TMBIM6: variants seen among roughly 807,000 people sequenced by gnomAD.
TMBIM6 encodes the protein transmembrane BAX inhibitor motif containing 6, also known as bax inhibitor 1.
In TMBIM6, 13 loss-of-function variants were observed where a neutral mutation model predicts 31.4. That is an observed-to-expected ratio of 0.41 (90% CI 0.27 to 0.66). The LOEUF (loss-of-function observed/expected upper bound fraction) is 0.66. Among genes scored for constraint, TMBIM6 ranks in the 30% least tolerant of loss-of-function variants. The pLI is 0.28. For missense variants in TMBIM6, 275 were observed against 289.5 expected, an observed-to-expected ratio of 0.95 and a Z score of 0.36; for synonymous variants, 85 against 101.7, an observed-to-expected ratio of 0.84 and a Z score of 0.99.
intron 1 of TMBIM6, among the ~76,000 whole-genome samples, chr12:49,745,028 G>A (rs1422619727): frequency 6.6e-6 from 1 of 152,170 alleles, no homozygotes; most frequent in African/African-American, 2.4e-5. Flanking sequence ...TGGAGGAGAT[G>A]GATTCAGTAT....
At position 49,758,141 on chromosome 12, in the gene TMBIM6, T is replaced by A. The variant is rs576054764; in HGVS notation, c.287-86T>A. On this transcript the variant is annotated intron_variant, in intron 4 of 9. Transcript: ENST00000267115. The stretch of plus-strand genomic sequence containing the variant: ...TCCACGTTTGTTAAGAGCATGAGTA[T>A]GCCTATATTTCGGGATCAGCTTTTG... 4.2e-6 allele frequency: 6 copies of A among 1,418,724 alleles called. No homozygotes were observed. The East Asian group carries it at 1.4e-4, about 32-fold the overall frequency. 87.9% of individuals were successfully genotyped at this position (1,418,724 alleles called of 1,614,324 possible).
chr12:49,742,685 AGAATT>A (rs1019618524), intron 1 of TMBIM6: 2 of 157,972 alleles, frequency 1.3e-5, no homozygotes, highest in Admixed American at 1.2e-4. Context: ...GTGTGGTTTA[AGAATT>A]GAATTCTGGA....
chr12:49,742,508 A>G (rs1193147291), intron 1 of TMBIM6: 2 of 456,568 alleles, frequency 4.4e-6, no homozygotes, highest in Non-Finnish European at 7.6e-6. Flanking sequence ...CACAACAAAA[A>G]TCACTATGAA....
chr12:49,751,371 A>G (rs1241850347), intron 1 of TMBIM6, among the ~76,000 whole-genome samples: 2 of 152,176 alleles, frequency 1.3e-5, no homozygotes, highest in African/African-American at 2.4e-5. Context: ...AAATATTTTT[A>G]CATCTGTCTA....
chr12:49,745,506 C>T (rs1387235689), intron 1 of TMBIM6, among the ~76,000 whole-genome samples: 3 of 152,168 alleles, frequency 2.0e-5, no homozygotes, highest in Admixed American at 1.3e-4. Context: ...GGGCAGATCA[C>T]TTGAGGTCAG....
intron 1 of TMBIM6, among the ~76,000 whole-genome samples, chr12:49,744,861 A>G (rs1481260420): frequency 2.0e-5 from 3 of 152,190 alleles, no homozygotes; most frequent in African/African-American, 7.2e-5. Flanking sequence ...GAAGAAGATT[A>G]TGTATTTAGG....
At chr12:49,747,974 G>A (rs1945427127) in intron 1 of TMBIM6, among the ~76,000 whole-genome samples, 1 of 152,156 alleles carries the variant, frequency 6.6e-6, no homozygotes, top group Non-Finnish European at 1.5e-5. Context: ...CGTGATCTCA[G>A]TTCACTGCAA....
At position 49,742,534 on chromosome 12, in the gene TMBIM6, T is replaced by C. The variant is rs1343736699; in HGVS notation, c.-31+923T>C. 10 of 372,116 alleles carry C rather than the reference T, an allele frequency of 2.7e-5. No individual in the cohort carries two copies. In the Admixed American group the frequency reaches 3.4e-4, roughly 13 times the overall value. 23.1% of individuals were successfully genotyped at this position (372,116 alleles called of 1,614,324 possible). A position where few individuals can be genotyped will look rare whatever the true frequency, so the allele number is the denominator to read the frequency against. On this transcript the variant is annotated intron_variant, in intron 1 of 9. Coordinates refer to ENST00000267115, the MANE Select transcript of TMBIM6 (RefSeq NM_003217.3). Reference sequence around the variant, plus strand: ...TCACTATGAACTTGAGACTGTGTTCTAGCAACTTGTGAATGTGTAACCCAG... The same window carrying C: ...TCACTATGAACTTGAGACTGTGTTCCAGCAACTTGTGAATGTGTAACCCAG...
intron 1 of TMBIM6, among the ~76,000 whole-genome samples, chr12:49,748,214 G>T (rs1023146456): frequency 1.7e-4 from 25 of 150,424 alleles, no homozygotes; most frequent in African/African-American, 5.6e-4. Flanking sequence ...TTTTTTTTTT[G>T]TTTTGTTTTG....
chr12:49,744,152 T>C (rs1375767561), intron 1 of TMBIM6, among the ~76,000 whole-genome samples: 1 of 152,194 alleles, frequency 6.6e-6, no homozygotes. Context: ...TGTGTGAGGA[T>C]TGAAGGTGAT....
In TMBIM6 at chr12:49,764,049, T is replaced by G. The variant is rs1290235719; in HGVS notation, c.*1153T>G. 2.6e-5 allele frequency: 4 copies of G among 152,164 alleles called. No homozygotes were observed. Among genetic ancestry groups the G allele is most frequent in the African/African-American group, 7.2e-5 (3 of 41,438 alleles). 9.4% of individuals were successfully genotyped at this position (152,164 alleles called of 1,614,324 possible). On this transcript the variant is annotated 3_prime_UTR_variant, in exon 10 of 10. Coordinates refer to ENST00000267115, the MANE Select transcript of TMBIM6 (RefSeq NM_003217.3). ...TAAATGTTCATTTTACTGATGCACT[T>G]TAGTTTTTGGTCTGTTACCTGTTTT...
At position 49,759,835 on chromosome 12, in the gene TMBIM6, G is replaced by A. The variant is rs544643574; in HGVS notation, c.614+514G>A. On this transcript the variant is annotated intron_variant, in intron 8 of 9. Coordinates refer to ENST00000267115, the MANE Select transcript of TMBIM6 (RefSeq NM_003217.3). ...AAAAAAAAAAAAAAGTGTGGGGGCC[G>A]GGCACGGTGGCTCACGCCTGTAATC... 5.4e-4 allele frequency among the ~76,000 whole-genome samples: 80 copies of A among 149,302 alleles called. 1 individual carries two copies. Among genetic ancestry groups the A allele is most frequent in the African/African-American group, 1.9e-3 (76 of 40,224 alleles).
At chr12:49,743,847 T>C (rs1366818844) in intron 1 of TMBIM6, among the ~76,000 whole-genome samples, 1 of 152,090 alleles carries the variant, frequency 6.6e-6, no homozygotes, top group Non-Finnish European at 1.5e-5. Context: ...GGCTCTGCTA[T>C]TTAACTTTCT....
chr12:49,761,405 A>G (rs542142556), intron 8 of TMBIM6, among the ~76,000 whole-genome samples: 2 of 151,974 alleles, frequency 1.3e-5, no homozygotes, highest in East Asian at 3.9e-4. Context: ...GGATTTTGCT[A>G]TGTTACCCAG....
chr12:49,758,368 C>T lies in TMBIM6; in HGVS notation c.336-15C>T, dbSNP rs1158884004. The T allele has an allele frequency of 4.3e-6, 7 of 1,613,892 alleles. No homozygotes were observed. The highest frequency in any genetic ancestry group is 2.7e-5 in the African/African-American group (2 of 74,902). ...TACCTGTAGCCCTTAATCTAATGGT[C>T]TTTTTTTCTAACAGCATCCTTCCCA... is the stretch of plus-strand genomic sequence containing the variant. On this transcript the variant is annotated splice_polypyrimidine_tract_variant and intron_variant, in intron 5 of 9. Transcript: ENST00000267115.
intron 1 of TMBIM6, among the ~76,000 whole-genome samples, chr12:49,748,829 T>C (rs1201016260): frequency 6.6e-6 from 1 of 152,248 alleles, no homozygotes; most frequent in East Asian, 1.9e-4. Context: ...TATTGAATTT[T>C]TTAGCAGCTT....
Position 49,755,737 on chromosome 12 carries a change from G to A in TMBIM6, c.268G>A (p.Gly90Arg). 1 of 1,613,866 alleles carries A rather than the reference G, an allele frequency of 6.2e-7. No homozygotes were observed. Among genetic ancestry groups the A allele is most frequent in the Non-Finnish European group, 8.5e-7 (1 of 1,179,914 alleles). The change falls in exon 4 of 10, where the codon GGA becomes AGA. Residue 90 changes from glycine (G) to arginine (R), a missense_variant. Coordinates refer to ENST00000267115, the MANE Select transcript of TMBIM6 (RefSeq NM_003217.3). ...ACAGAAAAGACTGGGACTTCTTGCTGGATTTGCATTCCTTACAGGTACGTT... is the reference window on the plus strand; with the variant it reads ...ACAGAAAAGACTGGGACTTCTTGCTAGATTTGCATTCCTTACAGGTACGTT... ...TEQKRLGLLA[G>R]FAFLTGVGLG... is the part of the protein sequence containing the mutation.
At chr12:49,745,236 T>TATCAG (rs1332435706) in intron 1 of TMBIM6, among the ~76,000 whole-genome samples, 2 of 152,220 alleles carry the variant, frequency 1.3e-5, no homozygotes, top group Non-Finnish European at 2.9e-5. Context: ...TCCTTTACCA[T>TATCAG]ATCAGATTAT....
At chr12:49,744,825 T>TA (rs1399489475) in intron 1 of TMBIM6, among the ~76,000 whole-genome samples, 3 of 152,206 alleles carry the variant, frequency 2.0e-5, no homozygotes, top group African/African-American at 4.8e-5. Context: ...ATGGTGTTAT[T>TA]AGGGAGGGAT....
Sources: allele counts gnomAD v4.1 joint callset (sites outside exome capture counted in the v4.1 genomes callset), GRCh38; gene constraint gnomAD v4.1.1; transcripts MANE v1.5; gene names NCBI Gene and HGNC (gene_info 2026-07-23, HGNC 2026-07-21).